The following ZPLD1 variants were observed in gnomAD, a reference collection of about 807,000 sequenced individuals.
ZPLD1 encodes the protein zona pellucida like domain containing 1.
Under a neutral mutation model 47.2 loss-of-function variants are expected in ZPLD1, and 34 were observed. That is an observed-to-expected ratio of 0.72 (90% CI 0.55 to 0.96). The LOEUF (loss-of-function observed/expected upper bound fraction) is 0.96. ZPLD1 is among the 40% of genes least tolerant of loss of function. The pLI, the probability that ZPLD1 is intolerant of heterozygous loss-of-function variation, is 0.00. For synonymous variants in ZPLD1, 176 were observed against 186.2 expected (o/e 0.95, Z 0.45); for missense variants, 512 against 505.8 (o/e 1.01, Z -0.12).
chr3:102,397,370 G>T (rs1268623039), intron 7 of ZPLD1, among the ~76,000 whole-genome samples: 1 of 143,412 alleles, frequency 7.0e-6, no homozygotes, highest in Admixed American at 6.9e-5. Flanking sequence ...AATATTTTTG[G>T]AATATCTTAA....
chr3:102,435,131 C>G lies in ZPLD1; in HGVS notation c.-146C>G, dbSNP rs758300318. 6.2e-7 allele frequency: 1 copy of G among 1,613,990 alleles called. No individual in the cohort carries two copies. Among genetic ancestry groups the G allele is most frequent in the Admixed American group, 1.7e-5 (1 of 60,000 alleles). ...TATGGCAAGATGATGCTCAGGTTTT[C>G]CATGTGCAGGGGAAATGATGAAGGT... On this transcript the variant is annotated 5_prime_UTR_variant, in exon 1 of 12. Coordinates refer to ENST00000466937, the MANE Select transcript of ZPLD1 (RefSeq NM_001329788.2).
At chr3:102,436,312 G>A (rs1707090834) in intron 1 of ZPLD1, among the ~76,000 whole-genome samples, 1 of 152,036 alleles carries the variant, frequency 6.6e-6, no homozygotes, top group African/African-American at 2.4e-5. Flanking sequence ...TTCACAATGA[G>A]AAATAAACAA....
intron 3 of ZPLD1, among the ~76,000 whole-genome samples, chr3:102,452,625 G>A (rs1707354998): frequency 6.6e-6 from 1 of 152,040 alleles, no homozygotes; most frequent in African/African-American, 2.4e-5. Context: ...CAATTCTCTG[G>A]TCATTTGGCA....
At position 102,428,642 on chromosome 3, in the gene ZPLD1, A is replaced by T. The variant is rs543500387; in HGVS notation, c.-8-9838A>T. Among the ~76,000 whole-genome samples the T allele has an allele frequency of 9.2e-5, 14 of 151,884 alleles. No individual in the cohort carries two copies. In the South Asian group the frequency reaches 2.9e-3, roughly 32 times the overall value. On this transcript the variant is annotated intron_variant, in intron 8 of 17. Coordinates refer to the ZPLD1 transcript ENST00000491959. The stretch of plus-strand genomic sequence containing the variant: ...TACAGGAGTTTAATTATCTGCTATT[A>T]AAAAATCTCAAGCATTTAATGCTTA...
At chr3:102,440,942 G>T (rs1411222985) in intron 3 of ZPLD1, among the ~76,000 whole-genome samples, 1 of 152,172 alleles carries the variant, frequency 6.6e-6, no homozygotes, top group Non-Finnish European at 1.5e-5. Flanking sequence ...CAATGGTACA[G>T]ATGAAGGAGT....
intron 11 of ZPLD1, 43 bp downstream of exon 11, chr3:102,477,084 G>A: frequency 1.2e-6 from 2 of 1,605,110 alleles, no homozygotes; most frequent in African/African-American, 1.3e-5. Context: ...TACATTTTTG[G>A]TGATCAGTTA....
At position 102,456,276 on chromosome 3, in the gene ZPLD1, A is replaced by G. The variant is rs149754680; in HGVS notation, c.411A>G (p.Pro137=). The G allele has an allele frequency of 6.2e-4, 1,000 of 1,613,970 alleles. 1 individual carries two copies. The highest frequency in any genetic ancestry group is 7.8e-4 in the Non-Finnish European group (923 of 1,179,888). ...ATATTTCAGGATATATTGATACTCCAGACCCACCAACAATCATCAGCTATC... is the reference window on the plus strand; with the variant it reads ...ATATTTCAGGATATATTGATACTCCGGACCCACCAACAATCATCAGCTATC... ...VGNISGYIDT[P]DPPTIISYLP... The change falls in exon 5 of 12, where the codon CCA becomes CCG. Residue 137 remains proline (P), a synonymous_variant. Transcript: ENST00000466937.
At chr3:102,388,195 G>T (rs1303284264) in intron 6 of ZPLD1, among the ~76,000 whole-genome samples, 2 of 151,918 alleles carry the variant, frequency 1.3e-5, no homozygotes, top group Non-Finnish European at 2.9e-5. Flanking sequence ...TTTTTCTGTC[G>T]TGATTTTCAC....
chr3:102,396,604 A>T (rs895277288), intron 7 of ZPLD1, among the ~76,000 whole-genome samples: 4 of 152,170 alleles, frequency 2.6e-5, no homozygotes, highest in Non-Finnish European at 5.9e-5. Flanking sequence ...ATAATAGCTA[A>T]TACAGCACAG....
chr3:102,400,425 G>A (rs1050562144), intron 7 of ZPLD1, among the ~76,000 whole-genome samples: 2 of 152,008 alleles, frequency 1.3e-5, no homozygotes, highest in African/African-American at 4.8e-5. Flanking sequence ...ACGCACATTG[G>A]AAAGTCTGAG....
intron 10 of ZPLD1, among the ~76,000 whole-genome samples, chr3:102,476,792 A>G (rs1458322434): frequency 1.3e-5 from 2 of 152,048 alleles, no homozygotes; most frequent in African/African-American, 2.4e-5. Flanking sequence ...GGCTTGGGGA[A>G]TAGAAAGATG....
chr3:102,468,256 A>G (rs1707628201), intron 8 of ZPLD1, among the ~76,000 whole-genome samples: 1 of 152,186 alleles, frequency 6.6e-6, no homozygotes, highest in Non-Finnish European at 1.5e-5. Flanking sequence ...TATAGGGCAA[A>G]GTGACAATAT....
At chr3:102,446,513 AT>A (rs1338722477) in intron 3 of ZPLD1, among the ~76,000 whole-genome samples, 1 of 152,008 alleles carries the variant, frequency 6.6e-6, no homozygotes, top group African/African-American at 2.4e-5. Flanking sequence ...TCTGCTGTAC[AT>A]TTCTGCTTGA....
chr3:102,474,986 TTTTG>T (rs374950213), intron 10 of ZPLD1, among the ~76,000 whole-genome samples: 37 of 152,170 alleles, frequency 2.4e-4, no homozygotes, highest in African/African-American at 7.0e-4. Flanking sequence ...CTTTGATTTT[TTTTG>T]TTTGTTTGTT....
Position 102,469,139 on chromosome 3 carries a change from T to G in ZPLD1, c.933+4T>G, listed in dbSNP as rs373780296. ...TGACTGCCCCTTCCTTATGCCGGTA[T>G]GTTTTTAAGGAACTTCATTTTAAGT... On this transcript the variant is annotated splice_donor_region_variant and intron_variant, in intron 9 of 11. Coordinates refer to ENST00000466937, the MANE Select transcript of ZPLD1 (RefSeq NM_001329788.2). 6.9e-6 allele frequency: 11 copies of G among 1,604,442 alleles called. No homozygotes were observed. Among genetic ancestry groups the G allele is most frequent in the African/African-American group, 5.4e-5 (4 of 74,216 alleles).
At chr3:102,387,185 A>T (rs1421902308) in intron 6 of ZPLD1, among the ~76,000 whole-genome samples, 1 of 152,172 alleles carries the variant, frequency 6.6e-6, no homozygotes, top group Non-Finnish European at 1.5e-5. Context: ...TGAGGATGTG[A>T]CTGCCTGTGG....
chr3:102,441,392 A>G (rs1262307872), intron 3 of ZPLD1, among the ~76,000 whole-genome samples: 2 of 152,272 alleles, frequency 1.3e-5, no homozygotes, highest in African/African-American at 2.4e-5. Flanking sequence ...TTCACCTCAA[A>G]TAAGTGATGT....
chr3:102,421,281 T>C (rs1706875951), intron 8 of ZPLD1, among the ~76,000 whole-genome samples: 2 of 151,958 alleles, frequency 1.3e-5, no homozygotes, highest in Admixed American at 1.3e-4. Context: ...TTACATGAGT[T>C]GTACTTTGAA....
intron 6 of ZPLD1, among the ~76,000 whole-genome samples, chr3:102,390,029 A>T (rs534558202): frequency 9.8e-5 from 15 of 152,330 alleles, no homozygotes; most frequent in African/African-American, 3.6e-4. Flanking sequence ...AAAGTAGGCT[A>T]AAAAGAAATA....
Sources: gnomAD v4.1 joint callset for allele counts (sites outside exome capture counted in the v4.1 genomes callset) on GRCh38, gnomAD v4.1.1 for gene constraint, MANE v1.5 for transcripts, NCBI Gene and HGNC (gene_info 2026-07-23, HGNC 2026-07-21) for gene names.